Variants in VPS26C observed in about 807,000 individuals in gnomAD.
VPS26C encodes VPS26 endosomal protein sorting factor C.
VPS26C carries 19 observed loss-of-function variants against 30.6 expected under a neutral mutation model. The ratio of observed to expected loss-of-function variants is 0.62; its 90% CI spans 0.43 to 0.91. VPS26C has a LOEUF of 0.91. VPS26C is among the 40% of genes least tolerant of loss of function. The pLI, the probability that VPS26C is intolerant of heterozygous loss-of-function variation, is 0.00. For synonymous variants in VPS26C, 132 were observed against 151.5 expected, an observed-to-expected ratio of 0.87 and a Z score of 0.95; for missense variants, 318 against 385.1, an observed-to-expected ratio of 0.83 and a Z score of 1.46.
chr21:37,251,177 G>T (rs2148300969), intron 1 of VPS26C, among the ~76,000 whole-genome samples: 1 of 152,230 alleles, frequency 6.6e-6, no homozygotes. Context: ...CCGGCTATTT[G>T]GCAAGACCAA....
chr21:37,268,052 G>A (rs935649363), upstream of VPS26C: 4 of 152,272 alleles, frequency 2.6e-5, no homozygotes, highest in African/African-American at 7.2e-5. Context: ...GGGAAGCGCC[G>A]GGTGACCTCG....
At chr21:37,251,876 C>T (rs1423333162) in intron 1 of VPS26C, among the ~76,000 whole-genome samples, 1 of 152,110 alleles carries the variant, frequency 6.6e-6, no homozygotes. Context: ...TGGGTTAGTT[C>T]TTATTTTGGA....
intron 1 of VPS26C, among the ~76,000 whole-genome samples, chr21:37,259,754 T>C (rs565146815): frequency 9.4e-4 from 143 of 152,264 alleles, no homozygotes; most frequent in African/African-American, 3.2e-3. Flanking sequence ...CTGACTCTCC[T>C]TCCTCCAAGC....
chr21:37,239,728 C>CA (rs1479594276), intron 2 of VPS26C, among the ~76,000 whole-genome samples: 1 of 151,786 alleles, frequency 6.6e-6, no homozygotes, highest in African/African-American at 2.4e-5. Flanking sequence ...CTCAGCCTCC[C>CA]AAGTAGCTGG....
intron 1 of VPS26C, among the ~76,000 whole-genome samples, chr21:37,247,306 G>A (rs976382802): frequency 2.6e-5 from 4 of 152,178 alleles, no homozygotes; most frequent in South Asian, 2.1e-4. Flanking sequence ...AAACAACGAC[G>A]AATACTATAA....
intron 1 of VPS26C, among the ~76,000 whole-genome samples, chr21:37,260,712 G>A (rs79914924): frequency 0.022 from 3,293 of 152,202 alleles, 120 homozygotes; most frequent in African/African-American, 0.074. Context: ...GAATCAGAGA[G>A]AAAACCATAT....
chr21:37,232,514 CT>C (rs1224123067), intron 4 of VPS26C, 63 bp from the exon 5 acceptor site: 1 of 1,405,870 alleles, frequency 7.1e-7, no homozygotes, highest in Non-Finnish European at 1.0e-6. Flanking sequence ...GGTCAAATAG[CT>C]TTTCCCTTTC....
chr21:37,261,988 T>TAG (rs2086309176), intron 1 of VPS26C: 2 of 152,140 alleles, frequency 1.3e-5, no homozygotes, highest in Admixed American at 1.3e-4. Flanking sequence ...CTTAGAGTAG[T>TAG]ACTTAGTGGG....
chr21:37,232,605 C>T (rs2085977825), intron 4 of VPS26C, 154 bp from the exon 5 acceptor site: 1 of 638,608 alleles, frequency 1.6e-6, no homozygotes, highest in African/African-American at 1.8e-5. Context: ...GAACACAGTT[C>T]TGTCAAATTT....
intron 1 of VPS26C, among the ~76,000 whole-genome samples, chr21:37,260,717 C>T (rs2086295403): frequency 1.3e-5 from 2 of 152,116 alleles, no homozygotes; most frequent in South Asian, 4.1e-4. Context: ...AGAGAGAAAA[C>T]CATATTTATA....
intron 1 of VPS26C, among the ~76,000 whole-genome samples, chr21:37,262,229 C>T (rs193040363): frequency 5.3e-5 from 8 of 152,288 alleles, no homozygotes; most frequent in Non-Finnish European, 8.8e-5. Flanking sequence ...ACTCAGGTTG[C>T]GTCCCAAATG....
intron 1 of VPS26C, among the ~76,000 whole-genome samples, chr21:37,241,099 C>T (rs1035558489): frequency 2.0e-5 from 3 of 152,256 alleles, no homozygotes; most frequent in Non-Finnish European, 4.4e-5. Context: ...GACAGCACAA[C>T]TGCAAATGCA....
At chr21:37,267,206 C>T in intron 1 of VPS26C, 32 bp downstream of exon 1, 2 of 962,932 alleles carry the variant, frequency 2.1e-6, no homozygotes, top group South Asian at 1.3e-5. Context: ...CGCCCAACCC[C>T]ACCTCCATCC....
At chr21:37,248,061 G>T (rs947285106) in intron 1 of VPS26C, among the ~76,000 whole-genome samples, 2 of 152,128 alleles carry the variant, frequency 1.3e-5, no homozygotes, top group East Asian at 1.9e-4. Flanking sequence ...GTCCACACTT[G>T]TAAAGCAAAA....
At chr21:37,240,139 G>C (rs2086070037) in intron 2 of VPS26C, among the ~76,000 whole-genome samples, 1 of 152,038 alleles carries the variant, frequency 6.6e-6, no homozygotes, top group Admixed American at 6.5e-5. Flanking sequence ...CTTTTTTTAA[G>C]AGACATGGTA....
At chr21:37,253,698 A>T (rs1040453084) in intron 1 of VPS26C, among the ~76,000 whole-genome samples, 1 of 152,220 alleles carries the variant, frequency 6.6e-6, no homozygotes, top group Admixed American at 6.5e-5. Flanking sequence ...GTTAATAGAG[A>T]CTACCTGATT....
chr21:37,260,260 GT>G (rs1222157535), intron 1 of VPS26C, among the ~76,000 whole-genome samples: 2 of 152,194 alleles, frequency 1.3e-5, no homozygotes, highest in Non-Finnish European at 2.9e-5. Context: ...AGTCTACCTA[GT>G]TATAAAACAG....
rs573618619 is a variant in VPS26C at position 37,228,502 on chromosome 21, A to G, written c.508-129T>C. 3.0e-6 allele frequency: 3 copies of G among 998,162 alleles called. No individual in the cohort carries two copies. The African/African-American group carries it at 4.9e-5, about 16-fold the overall frequency. 61.8% of individuals were successfully genotyped at this position (998,162 alleles called of 1,614,324 possible). ...CACAGTCCACCGGGACCGTCTCACA[A>G]AACGGGAAGAAAGGAGCGAAGTACT... is the stretch of plus-strand genomic sequence containing the variant. On this transcript the variant is annotated intron_variant, in intron 5 of 7. Transcript: ENST00000309117.
intron 1 of VPS26C, among the ~76,000 whole-genome samples, chr21:37,248,057 A>G (rs2086154738): frequency 1.3e-5 from 2 of 152,174 alleles, no homozygotes; most frequent in Admixed American, 6.5e-5. Context: ...CAGTGTCCAC[A>G]CTTGTAAAGC....
Sources: allele counts gnomAD v4.1 joint callset (sites outside exome capture counted in the v4.1 genomes callset), GRCh38; gene constraint gnomAD v4.1.1; transcripts MANE v1.5; gene names NCBI Gene and HGNC (gene_info 2026-07-23, HGNC 2026-07-21).